Variants in PAPPA2 observed in about 807,000 individuals in gnomAD.
PAPPA2 encodes the protein pappalysin 2, also known as pappalysin-2.
A neutral mutation model predicts 176.4 loss-of-function variants in PAPPA2; 86 were observed. That is an observed-to-expected ratio of 0.49 (90% CI 0.41 to 0.58). The LOEUF (loss-of-function observed/expected upper bound fraction) is 0.58. Among genes scored for constraint, PAPPA2 ranks in the 20% least tolerant of loss-of-function variants. The pLI, the probability that PAPPA2 is intolerant of heterozygous loss-of-function variation, is 0.00. For missense variants in PAPPA2, 2,073 were observed against 2,256.9 expected (o/e 0.92, Z 1.65); for synonymous variants, 809 against 852.2 (o/e 0.95, Z 0.88).
intron 10 of PAPPA2, among the ~76,000 whole-genome samples, chr1:176,708,371 G>A (rs1201658889): frequency 6.6e-6 from 1 of 152,014 alleles, no homozygotes; most frequent in Admixed American, 6.6e-5. Flanking sequence ...CAGGTTTGAA[G>A]GAACCCCATT....
intron 12 of PAPPA2, among the ~76,000 whole-genome samples, chr1:176,726,370 C>T (rs938398448): frequency 6.6e-6 from 1 of 152,176 alleles, no homozygotes; most frequent in Non-Finnish European, 1.5e-5. Context: ...GTAAGGATCT[C>T]GGGACAGAGG....
intron 14 of PAPPA2, among the ~76,000 whole-genome samples, chr1:176,749,458 C>T (rs1479357225): frequency 6.6e-6 from 1 of 152,196 alleles, no homozygotes. Context: ...ATAATCACAT[C>T]AAATCTGTAG....
At chr1:176,758,342 G>A (rs1428099927) in intron 14 of PAPPA2, among the ~76,000 whole-genome samples, 1 of 152,200 alleles carries the variant, frequency 6.6e-6, no homozygotes, top group Non-Finnish European at 1.5e-5. Context: ...TGAGGAGGAA[G>A]CAGAATGGGG....
At chr1:176,604,053 G>T (rs994325090) in intron 3 of PAPPA2, among the ~76,000 whole-genome samples, 36 of 152,256 alleles carry the variant, frequency 2.4e-4, no homozygotes, top group African/African-American at 8.4e-4. Flanking sequence ...CTTGCCAGAT[G>T]TACTCCTACT....
chr1:176,735,698 ATCTATCT>A lies in PAPPA2; in HGVS notation c.3799-3927_3799-3921del, dbSNP rs1662373022. ...TCAGAATCTATCTATCTATCTATCT[ATCTATCT>A]ATCTATCTATCTATCTATCTATCTA... On this transcript the variant is annotated intron_variant, in intron 12 of 22. Transcript: ENST00000367662. 2.2e-5 allele frequency among the ~76,000 whole-genome samples: 3 copies of A among 137,064 alleles called. No individual in the cohort carries two copies. The Admixed American group carries it at 2.2e-4, about 10-fold the overall frequency. The allele number at this position is 137,064 out of a possible 152,430, so 89.9% of individuals were successfully genotyped here.
At chr1:176,745,738 G>T (rs1163855983) in intron 14 of PAPPA2, among the ~76,000 whole-genome samples, 2 of 152,194 alleles carry the variant, frequency 1.3e-5, no homozygotes, top group Non-Finnish European at 2.9e-5. Context: ...CAAAGCTGAG[G>T]TTCAGATCTC....
chr1:176,713,147 G>A (rs549485510), intron 12 of PAPPA2, among the ~76,000 whole-genome samples: 3 of 151,274 alleles, frequency 2.0e-5, no homozygotes, highest in South Asian at 2.1e-4. Context: ...ATCTTTAGAC[G>A]AATTCAAGTT....
At chr1:176,737,947 G>A (rs1448929764) in intron 12 of PAPPA2, among the ~76,000 whole-genome samples, 2 of 152,032 alleles carry the variant, frequency 1.3e-5, no homozygotes, top group Non-Finnish European at 2.9e-5. Flanking sequence ...AGTCCTAATG[G>A]GGTAAAGCCA....
At chr1:176,688,620 G>A (rs1233283125) in intron 4 of PAPPA2, among the ~76,000 whole-genome samples, 1 of 152,184 alleles carries the variant, frequency 6.6e-6, no homozygotes, top group African/African-American at 2.4e-5. Flanking sequence ...AATAAACACG[G>A]GAGGTGAGGT....
At position 176,735,206 on chromosome 1, in the gene PAPPA2, C is replaced by G. The variant is rs183210487; in HGVS notation, c.3799-4420C>G. 3.9e-5 allele frequency among the ~76,000 whole-genome samples: 6 copies of G among 152,122 alleles called. No homozygotes were observed. The East Asian group carries it at 7.7e-4, about 20-fold the overall frequency. ...GAGCGCAGTGGACCCACCAGCAAAG[C>G]CTGTAATCAGGCTTGGCAAACTGTG... On this transcript the variant is annotated intron_variant, in intron 12 of 22. Coordinates refer to ENST00000367662, the MANE Select transcript of PAPPA2 (RefSeq NM_020318.3).
At chr1:176,576,329 A>AT in intron 2 of PAPPA2, among the ~76,000 whole-genome samples, 1 of 152,252 alleles carries the variant, frequency 6.6e-6, no homozygotes, top group South Asian at 2.1e-4. Flanking sequence ...AAGACTGAAA[A>AT]TTTGTATTTC....
chr1:176,702,655 T>A lies in PAPPA2; in HGVS notation c.3285T>A (p.Ala1095=), dbSNP rs1660704236. The change falls in exon 9 of 23, where the codon GCT becomes GCA. Residue 1095 remains alanine, a synonymous_variant. Transcript: ENST00000367662. Reference sequence around the variant, plus strand: ...ATCAGTACCAAGTTCTAGCTGAAGCTGGAGGAGAACTGGGAGAAGCTTCGC... The same window carrying A: ...ATCAGTACCAAGTTCTAGCTGAAGCAGGAGGAGAACTGGGAGAAGCTTCGC... The part of the protein sequence containing the change: ...QMYQYQVLAE[A]GGELGEASPP... 6.2e-7 allele frequency: 1 copy of A among 1,613,884 alleles called. No individual in the cohort carries two copies. The highest frequency in any genetic ancestry group is 8.5e-7 in the Non-Finnish European group (1 of 1,179,988).
At chr1:176,485,394 A>G (rs1020072264) in intron 1 of PAPPA2, among the ~76,000 whole-genome samples, 3 of 152,178 alleles carry the variant, frequency 2.0e-5, no homozygotes, top group African/African-American at 7.2e-5. Context: ...TGCTCCAGCC[A>G]TATAACTTTT....
At position 176,842,433 on chromosome 1, in the gene PAPPA2, C is replaced by T. The variant is rs1289067903; in HGVS notation, c.5355C>T (p.Pro1785=). ...TGGATGAGTGCACCTGCCGGGACCC[C>T]AAGGCAGAAGAAAATCAGTAACTGT... ...CDLDECTCRD[P]KAEENQ is the part of the protein sequence containing the mutation. Residue 1785 remains proline, a synonymous_variant, in exon 23 of 23, where the codon CCC becomes CCT. Transcript: ENST00000367662. 1.2e-6 allele frequency: 2 copies of T among 1,613,146 alleles called. No individual in the cohort carries two copies. The highest frequency in any genetic ancestry group is 1.7e-5 in the Admixed American group (1 of 59,890).
At chr1:176,617,406 G>A (rs960578832) in intron 3 of PAPPA2, among the ~76,000 whole-genome samples, 10 of 152,144 alleles carry the variant, frequency 6.6e-5, no homozygotes, top group African/African-American at 1.7e-4. Flanking sequence ...TGAGATTTTG[G>A]TGCATCCGTC....
At chr1:176,623,614 CCTTCCTTCCTT>C in intron 3 of PAPPA2, among the ~76,000 whole-genome samples, 2 of 88,314 alleles carry the variant, frequency 2.3e-5, no homozygotes, top group Middle Eastern at 0.013. Flanking sequence ...TTCCTTCCTT[CCTTCCTTCCTT>C]TTTTACTTTC....
rs1431219583 is a variant in PAPPA2 at position 176,765,735 on chromosome 1, G to T, written c.4221G>T (p.Val1407=). Reference sequence around the variant, plus strand: ...TGCTGCTTGATCATGCTGATGTGGTGAACTGTACCTCTATAGGCCCAGGTC... The same window carrying T: ...TGCTGCTTGATCATGCTGATGTGGTTAACTGTACCTCTATAGGCCCAGGTC... ...PSLLLDHADV[V]NCTSIGPGLM... The change falls in exon 15 of 23, where the codon GTG becomes GTT. Residue 1407 remains valine, a synonymous_variant. Transcript: ENST00000367662. 6.2e-7 allele frequency: 1 copy of T among 1,613,950 alleles called. No homozygotes were observed. The highest frequency in any genetic ancestry group is 1.7e-5 in the Admixed American group (1 of 59,992).
chr1:176,534,372 C>A (rs1046254792), intron 1 of PAPPA2, among the ~76,000 whole-genome samples: 7 of 152,282 alleles, frequency 4.6e-5, no homozygotes, highest in Non-Finnish European at 7.3e-5. Flanking sequence ...CCAGTCCCGA[C>A]CTCTCTCAGT....
chr1:176,752,679 C>T (rs1208257934), intron 14 of PAPPA2, among the ~76,000 whole-genome samples: 4 of 152,140 alleles, frequency 2.6e-5, no homozygotes, highest in African/African-American at 4.8e-5. Context: ...GAAGCAGGGC[C>T]TGCAAAAATA....
Sources: gnomAD v4.1 joint callset for allele counts (sites outside exome capture counted in the v4.1 genomes callset) on GRCh38, gnomAD v4.1.1 for gene constraint, MANE v1.5 for transcripts, NCBI Gene and HGNC (gene_info 2026-07-23, HGNC 2026-07-21) for gene names.